The following RHOBTB1 variants were observed in gnomAD, a reference collection of about 807,000 sequenced individuals.
The protein encoded by RHOBTB1 is Rho related BTB domain containing 1.
RHOBTB1 carries 40 observed loss-of-function variants against 71.6 expected under a neutral mutation model. That is an observed-to-expected ratio of 0.56 (90% CI 0.43 to 0.73). The LOEUF (loss-of-function observed/expected upper bound fraction) is 0.73, where lower values mean the gene tolerates loss of function less well. Ranked by LOEUF, RHOBTB1 falls within the 30% of genes least tolerant of loss-of-function variation. The probability of loss-of-function intolerance (pLI) is 0.00; values close to 1 mark genes in which losing one functional copy is unlikely to be tolerated. For synonymous variants in RHOBTB1, 319 were observed against 334.9 expected (o/e 0.95, Z 0.52); for missense variants, 797 against 894.0 (o/e 0.89, Z 1.38).
intron 1 of RHOBTB1, 73 bp downstream of exon 1, chr10:60,943,897 CG>C: frequency 6.6e-6 from 1 of 152,324 alleles, no homozygotes; most frequent in East Asian, 2.0e-4. Flanking sequence ...CCGCTGGGGC[CG>C]GGGCGGTGGG....
At chr10:60,990,411 C>T (rs2086822755) in intron 1 of RHOBTB1, among the ~76,000 whole-genome samples, 1 of 152,204 alleles carries the variant, frequency 6.6e-6, no homozygotes, top group Non-Finnish European at 1.5e-5. Flanking sequence ...AGATGCAAGA[C>T]ATGAACACGT....
intron 2 of RHOBTB1, among the ~76,000 whole-genome samples, chr10:60,966,594 G>C (rs1271166041): frequency 6.6e-6 from 1 of 150,970 alleles, no homozygotes; most frequent in East Asian, 1.9e-4. Flanking sequence ...GTGTAGCTCT[G>C]CTTTACATAA....
intron 7 of RHOBTB1, among the ~76,000 whole-genome samples, chr10:60,879,336 TTTTC>T (rs1417408842): frequency 2.6e-5 from 4 of 152,044 alleles, no homozygotes; most frequent in African/African-American, 9.7e-5. Context: ...ATGAGCTTCT[TTTTC>T]TTTCTTTTTT....
rs202064331 is a variant in RHOBTB1, at chr10:60,888,926, A to C, written c.742T>G (p.Cys248Gly). Residue 248 changes from cysteine to glycine, a missense_variant, in exon 6 of 11, where the codon TGT (cysteine) becomes GGT (glycine). Transcript: ENST00000337910. ...APPPVIKIPE[C>G]PSMGTNEAAC... ...GCTTCATTTGTCCCCATGGAAGGAC[A>C]CTCTGGAATTTTGATGACCGGTGGA... 6.1e-5 allele frequency: 98 copies of C among 1,614,004 alleles called. No homozygotes were observed. The highest frequency in any genetic ancestry group is 7.5e-5 in the Non-Finnish European group (88 of 1,180,028).
chr10:60,985,610 T>G (rs781038428), intron 2 of RHOBTB1, among the ~76,000 whole-genome samples: 2 of 152,176 alleles, frequency 1.3e-5, no homozygotes, highest in African/African-American at 4.8e-5. Context: ...AACTCATATG[T>G]AGGTCCAAAT....
intron 2 of RHOBTB1, among the ~76,000 whole-genome samples, chr10:60,913,289 G>A (rs982725689): frequency 6.6e-6 from 1 of 152,104 alleles, no homozygotes; most frequent in African/African-American, 2.4e-5. Flanking sequence ...GTGATTCAAG[G>A]AACAGATATG....
intron 3 of RHOBTB1, 121 bp downstream of exon 3, chr10:60,911,230 C>G (rs905914769): frequency 2.5e-5 from 26 of 1,042,236 alleles, no homozygotes; most frequent in Non-Finnish European, 3.4e-5. Flanking sequence ...TCTCGTGGCA[C>G]TAAAAAGGTT....
intron 2 of RHOBTB1, among the ~76,000 whole-genome samples, chr10:60,939,811 G>C (rs1449967759): frequency 2.0e-5 from 3 of 152,074 alleles, no homozygotes; most frequent in African/African-American, 4.8e-5. Context: ...TTTTAAAGAG[G>C]TAAGTCATGC....
intron 2 of RHOBTB1, among the ~76,000 whole-genome samples, chr10:60,970,011 C>G (rs1213365112): frequency 6.6e-6 from 1 of 152,012 alleles, no homozygotes; most frequent in East Asian, 1.9e-4. Flanking sequence ...TTGATTGACA[C>G]ATAGAAGGCC....
intron 2 of RHOBTB1, among the ~76,000 whole-genome samples, chr10:60,934,338 A>C (rs1668260055): frequency 6.6e-6 from 1 of 152,130 alleles, no homozygotes; most frequent in South Asian, 2.1e-4. Context: ...CTGGTTATTC[A>C]GCTCCCTTTA....
At position 60,911,336 on chromosome 10, in the gene RHOBTB1, C is replaced by A. The variant is rs765944339; in HGVS notation, c.192+15G>T. ...ATGTGCCCTAGGGATGCTGAAGACA[C>A]TCTGTGCATCTTACCTCCTGGCACA... is the stretch of plus-strand genomic sequence containing the variant. On this transcript the variant is annotated intron_variant, in intron 3 of 10. Transcript: ENST00000337910. 1 of 1,599,430 alleles carries A rather than the reference C, an allele frequency of 6.3e-7. No individual in the cohort carries two copies. The highest frequency in any genetic ancestry group is 2.2e-5 in the East Asian group (1 of 44,472).
rs184192016 is a variant in RHOBTB1, at chr10:60,942,435, T to C, written c.-61-581A>G. ...TCTGGGAAAACAATCATGGGCAAAA[T>C]TAGTATATTGACTATGATATTCCTG... On this transcript the variant is annotated intron_variant, in intron 1 of 10. Transcript: ENST00000337910. Among the ~76,000 whole-genome samples the C allele has an allele frequency of 1.7e-3, 265 of 152,334 alleles. 1 individual carries two copies. The highest frequency in any genetic ancestry group is 6.2e-3 in the African/African-American group (256 of 41,590).
At chr10:60,880,946 G>A (rs1435337857) in intron 7 of RHOBTB1, among the ~76,000 whole-genome samples, 1 of 152,214 alleles carries the variant, frequency 6.6e-6, no homozygotes, top group Non-Finnish European at 1.5e-5. Flanking sequence ...ATGAAATAAT[G>A]TTTGGATTAG....
intron 2 of RHOBTB1, among the ~76,000 whole-genome samples, chr10:60,980,400 T>A (rs899803984): frequency 8.5e-5 from 13 of 152,160 alleles, no homozygotes; most frequent in African/African-American, 3.1e-4. Context: ...CTTTGGGAAC[T>A]TCAAGCATTG....
At chr10:60,944,329 C>T (rs2085116662), upstream of RHOBTB1, 1 of 152,220 alleles carries the variant, frequency 6.6e-6, no homozygotes, top group African/African-American at 2.4e-5. Context: ...CGCACTGTGA[C>T]GTTAGCAGCC....
intron 2 of RHOBTB1, among the ~76,000 whole-genome samples, chr10:60,979,731 CAA>C (rs2086431360): frequency 6.6e-6 from 1 of 151,912 alleles, no homozygotes; most frequent in South Asian, 2.1e-4. Context: ...TGGCAAGTAT[CAA>C]AGAGAGAAAT....
chr10:60,897,699 A>T (rs2082223694), intron 4 of RHOBTB1, among the ~76,000 whole-genome samples: 1 of 152,060 alleles, frequency 6.6e-6, no homozygotes, highest in South Asian at 2.1e-4. Flanking sequence ...TAACAATTAC[A>T]TACATATACA....
intron 9 of RHOBTB1, 28 bp from the exon 10 acceptor site, chr10:60,872,318 A>T: frequency 1.3e-6 from 2 of 1,538,026 alleles, no homozygotes; most frequent in South Asian, 2.2e-5. Context: ...AAAGGAGGGT[A>T]AGACTATTTT....
In RHOBTB1 at chr10:60,888,677, C is replaced by T; in HGVS notation, c.991G>A (p.Glu331Lys). The change falls in exon 6 of 11, where the codon GAA (glutamate) becomes AAA (lysine). Residue 331 changes from glutamate (E) to lysine (K), a missense_variant. Glu to Lys is a moderately conservative substitution (Grantham distance 56). This residue lies in a region of RHOBTB1 where 658 missense variants were observed against 681.5 expected (regional missense o/e 0.97). Coordinates refer to ENST00000337910, the MANE Select transcript of RHOBTB1 (RefSeq NM_014836.5). ...CTAGGCGGGCCCTCCTCCCTTTCTT[C>T]CTCTGGGTCGACACTCAATATCCGC... ...QGRILSVDPEEEREEGPPRIP... is the reference protein window; with the variant it reads ...QGRILSVDPEKEREEGPPRIP... The T allele has an allele frequency of 1.2e-6, 2 of 1,614,230 alleles. No homozygotes were observed. Among genetic ancestry groups the T allele is most frequent in the Non-Finnish European group, 1.7e-6 (2 of 1,180,040 alleles).
Sources: gnomAD v4.1 joint callset for allele counts (sites outside exome capture counted in the v4.1 genomes callset) on GRCh38, gnomAD v4.1.1 for gene constraint, gnomAD v4.1.1 regional missense constraint, MANE v1.5 for transcripts, NCBI Gene and HGNC (gene_info 2026-07-23, HGNC 2026-07-21) for gene names.